The following GNA14 variants were observed in gnomAD, a reference collection of about 807,000 sequenced individuals.
The protein encoded by GNA14 is guanine nucleotide-binding protein subunit alpha-14.
In GNA14, 50 loss-of-function variants were observed where a neutral mutation model predicts 42.0. The observed-to-expected ratio is 1.19, with a 90% CI of 0.95 to 1.51. The LOEUF (loss-of-function observed/expected upper bound fraction) is 1.51. Ranked by LOEUF, GNA14 falls within the 40% of genes most tolerant of loss-of-function variation. GNA14 has a pLI of 0.00. For missense variants in GNA14, 473 were observed against 446.2 expected, an observed-to-expected ratio of 1.06 and a Z score of -0.54; for synonymous variants, 173 against 163.1, an observed-to-expected ratio of 1.06 and a Z score of -0.46.
At chr9:77,569,665 C>A (rs147971597) in intron 1 of GNA14, among the ~76,000 whole-genome samples, 1 of 152,092 alleles carries the variant, frequency 6.6e-6, no homozygotes, top group East Asian at 1.9e-4. Context: ...GTTTCTCCCC[C>A]GGGTTCAATA....
At chr9:77,490,569 G>A (rs1011380529) in intron 2 of GNA14, among the ~76,000 whole-genome samples, 7 of 152,364 alleles carry the variant, frequency 4.6e-5, no homozygotes, top group African/African-American at 1.4e-4. Context: ...TGAACACAGC[G>A]CGGGTGGGCT....
At chr9:77,554,614 C>A (rs1185211766) in intron 1 of GNA14, among the ~76,000 whole-genome samples, 2 of 152,160 alleles carry the variant, frequency 1.3e-5, no homozygotes, top group Admixed American at 6.5e-5. Context: ...TTCATCCAAA[C>A]AATTTTGGAT....
chr9:77,578,715 A>C (rs1823168284), intron 1 of GNA14, among the ~76,000 whole-genome samples: 1 of 152,156 alleles, frequency 6.6e-6, no homozygotes, highest in Non-Finnish European at 1.5e-5. Flanking sequence ...CCTTAACCTC[A>C]TACTTCCCAT....
intron 1 of GNA14, among the ~76,000 whole-genome samples, chr9:77,592,919 G>A (rs1261728946): frequency 1.3e-5 from 2 of 152,108 alleles, no homozygotes; most frequent in Admixed American, 6.5e-5. Context: ...CAAAAAAACA[G>A]GTATGTAATC....
intron 2 of GNA14, among the ~76,000 whole-genome samples, chr9:77,494,771 TTTTTGTTTTGTTTTGTTTTGTTTTG>T (rs143044675): frequency 2.0e-5 from 3 of 149,946 alleles, no homozygotes; most frequent in Non-Finnish European, 3.0e-5. Flanking sequence ...AGTTGTGGGG[TTTTTGTTTTGTTTTGTTTTGTTTTG>T]TTTTGTTTTG....
At chr9:77,592,043 T>C (rs537835305) in intron 1 of GNA14, among the ~76,000 whole-genome samples, 5 of 151,956 alleles carry the variant, frequency 3.3e-5, no homozygotes, top group African/African-American at 9.6e-5. Flanking sequence ...GCCTCCCAAG[T>C]AGCTGGGACT....
At chr9:77,484,043 C>A (rs1227872280) in intron 2 of GNA14, among the ~76,000 whole-genome samples, 2 of 152,204 alleles carry the variant, frequency 1.3e-5, no homozygotes, top group Non-Finnish European at 2.9e-5. Flanking sequence ...AAAACAATTT[C>A]TCTCCCATGC....
rs1835890333 is a variant in GNA14, at chr9:77,450,802, G to A, written c.310-16280C>T. The stretch of plus-strand genomic sequence containing the variant: ...ATGTGTCGTGGGAGGGAACTGATGG[G>A]AAGTAATTGAATCATGGGGGTGGGT... On this transcript the variant is annotated intron_variant, in intron 2 of 6. Coordinates refer to ENST00000341700, the MANE Select transcript of GNA14 (RefSeq NM_004297.4). 3.9e-5 allele frequency among the ~76,000 whole-genome samples: 6 copies of A among 152,004 alleles called. No individual in the cohort carries two copies. The South Asian group carries it at 1.2e-3, about 32-fold the overall frequency.
chr9:77,482,248 G>A (rs1836568224), intron 2 of GNA14, among the ~76,000 whole-genome samples: 1 of 151,848 alleles, frequency 6.6e-6, no homozygotes, highest in African/African-American at 2.4e-5. Flanking sequence ...AGGCCTGGTG[G>A]TGACAAAATC....
chr9:77,549,328 C>A (rs547468592), intron 1 of GNA14, among the ~76,000 whole-genome samples: 2 of 152,170 alleles, frequency 1.3e-5, no homozygotes, highest in African/African-American at 4.8e-5. Flanking sequence ...CAGATCCATT[C>A]GCACATTTAC....
At chr9:77,490,957 A>T (rs1010862259) in intron 2 of GNA14, among the ~76,000 whole-genome samples, 2 of 152,262 alleles carry the variant, frequency 1.3e-5, no homozygotes, top group Non-Finnish European at 2.9e-5. Flanking sequence ...CAAGGAGAGA[A>T]TCCTAAAAGC....
intron 2 of GNA14, among the ~76,000 whole-genome samples, chr9:77,462,926 C>G (rs1034823896): frequency 6.6e-6 from 1 of 152,132 alleles, no homozygotes; most frequent in African/African-American, 2.4e-5. Flanking sequence ...TTAGTCTTCC[C>G]TGTGGGGCTC....
intron 1 of GNA14, among the ~76,000 whole-genome samples, chr9:77,622,649 G>C (rs958991886): frequency 6.6e-6 from 1 of 151,606 alleles, no homozygotes; most frequent in Admixed American, 6.6e-5. Context: ...CACTTTGGGA[G>C]GCTGAGGCAG....
chr9:77,559,304 G>A (rs1443239021), intron 1 of GNA14, among the ~76,000 whole-genome samples: 2 of 152,212 alleles, frequency 1.3e-5, no homozygotes, highest in African/African-American at 2.4e-5. Context: ...CACAGCTCCT[G>A]GGAGGGCTCT....
chr9:77,485,775 T>A (rs1836649671), intron 2 of GNA14, among the ~76,000 whole-genome samples: 1 of 152,014 alleles, frequency 6.6e-6, no homozygotes, highest in South Asian at 2.1e-4. Context: ...TGTCAATGAG[T>A]AGTAATATTT....
chr9:77,599,785 A>G (rs73462040), intron 1 of GNA14, among the ~76,000 whole-genome samples: 58 of 152,268 alleles, frequency 3.8e-4, no homozygotes, highest in African/African-American at 1.3e-3. Flanking sequence ...TCCGTTCTCC[A>G]TCACACCAAG....
At chr9:77,618,453 G>A (rs890373783) in intron 1 of GNA14, among the ~76,000 whole-genome samples, 9 of 151,120 alleles carry the variant, frequency 6.0e-5, no homozygotes, top group African/African-American at 2.2e-4. Context: ...GTTCGGTGCT[G>A]TGCTGTCTAA....
intron 1 of GNA14, among the ~76,000 whole-genome samples, chr9:77,576,615 T>C (rs1056713900): frequency 6.6e-6 from 1 of 152,054 alleles, no homozygotes; most frequent in African/African-American, 2.4e-5. Context: ...AAGAGGTTAA[T>C]GTTTCCCACC....
intron 2 of GNA14, among the ~76,000 whole-genome samples, chr9:77,480,635 CCTT>C (rs1317136511): frequency 6.6e-6 from 1 of 152,192 alleles, no homozygotes; most frequent in Non-Finnish European, 1.5e-5. Flanking sequence ...ACCAGCTCCT[CCTT>C]GTACATCTGG....
Sources: allele counts gnomAD v4.1 joint callset (sites outside exome capture counted in the v4.1 genomes callset), GRCh38; gene constraint gnomAD v4.1.1; transcripts MANE v1.5; gene names NCBI Gene and HGNC (gene_info 2026-07-23, HGNC 2026-07-21).